The following SCCPDH variants were observed in gnomAD, a reference collection of about 807,000 sequenced individuals.
SCCPDH encodes saccharopine dehydrogenase-like oxidoreductase.
SCCPDH carries 34 observed loss-of-function variants against 51.5 expected under a neutral mutation model. The observed-to-expected ratio is 0.66, with a 90% CI of 0.50 to 0.88. The LOEUF (loss-of-function observed/expected upper bound fraction) is 0.88, where lower values mean the gene tolerates loss of function less well. SCCPDH is among the 40% of genes least tolerant of loss of function. The pLI is 0.00. For missense variants in SCCPDH, 464 were observed against 527.1 expected (o/e 0.88, Z 1.17); for synonymous variants, 187 against 191.3 (o/e 0.98, Z 0.19).
At chr1:246,730,387 T>C (rs1192303195) in intron 2 of SCCPDH, among the ~76,000 whole-genome samples, 1 of 152,224 alleles carries the variant, frequency 6.6e-6, no homozygotes, top group South Asian at 2.1e-4. Flanking sequence ...CTCCACTGCG[T>C]CTTTGTCCTC....
chr1:246,752,749 A>G (rs1201157004), intron 5 of SCCPDH, among the ~76,000 whole-genome samples: 1 of 152,072 alleles, frequency 6.6e-6, no homozygotes, highest in Non-Finnish European at 1.5e-5. Flanking sequence ...AATTTTCCCT[A>G]ATCAATATAG....
chr1:246,744,686 G>C (rs190580900), intron 5 of SCCPDH, among the ~76,000 whole-genome samples: 54 of 152,100 alleles, frequency 3.6e-4, no homozygotes, highest in African/African-American at 1.1e-3. Flanking sequence ...TGTGATCTTG[G>C]CTCACTCAAT....
chr1:246,756,300 A>G lies in SCCPDH; in HGVS notation c.565-1926A>G, dbSNP rs556959339. 7.2e-5 allele frequency among the ~76,000 whole-genome samples: 11 copies of G among 152,330 alleles called. No homozygotes were observed. The East Asian group carries it at 2.1e-3, about 29-fold the overall frequency. ...TTGTACTGTTTAGGGATGAATTCTT[A>G]GGTGATTAAACTCTAAAGAAAAGAA... On this transcript the variant is annotated intron_variant, in intron 5 of 11. Coordinates refer to ENST00000366510, the MANE Select transcript of SCCPDH (RefSeq NM_016002.3).
intron 3 of SCCPDH, among the ~76,000 whole-genome samples, chr1:246,737,149 T>G (rs961954514): frequency 2.0e-5 from 3 of 152,030 alleles, no homozygotes; most frequent in African/African-American, 4.8e-5. Context: ...TAATATGCAT[T>G]TGCAGTTTAT....
At chr1:246,733,491 T>TAC (rs57989437) in intron 2 of SCCPDH, among the ~76,000 whole-genome samples, 51,753 of 148,680 alleles carry the variant, frequency 0.35, 9,174 homozygotes, top group Middle Eastern at 0.42. Context: ...TCATATTTTA[T>TAC]ACACACACAC....
intron 11 of SCCPDH, among the ~76,000 whole-genome samples, chr1:246,766,994 A>G (rs1217180262): frequency 6.6e-6 from 1 of 152,176 alleles, no homozygotes; most frequent in Non-Finnish European, 1.5e-5. Context: ...CAGTCTAGAT[A>G]GGGTTGGCTG....
chr1:246,746,107 CAAAAAAAAA>C (rs756929255), intron 5 of SCCPDH, among the ~76,000 whole-genome samples: 2 of 79,586 alleles, frequency 2.5e-5, no homozygotes, highest in African/African-American at 1.4e-4. Flanking sequence ...GACTCCATCT[CAAAAAAAAA>C]AAAAAAAAAA....
intron 2 of SCCPDH, among the ~76,000 whole-genome samples, chr1:246,730,721 T>A (rs1388976145): frequency 2.0e-5 from 3 of 152,100 alleles, no homozygotes; most frequent in Non-Finnish European, 4.4e-5. Flanking sequence ...CATTCTGCGC[T>A]TCCCTTAGGG....
At chr1:246,741,592 G>A (rs61852481) in intron 4 of SCCPDH, among the ~76,000 whole-genome samples, 3 of 151,834 alleles carry the variant, frequency 2.0e-5, no homozygotes, top group Non-Finnish European at 2.9e-5. Context: ...GCCACCATGC[G>A]CAGCTCATCC....
chr1:246,733,902 C>T (rs1668531663), intron 2 of SCCPDH, among the ~76,000 whole-genome samples: 1 of 152,150 alleles, frequency 6.6e-6, no homozygotes, highest in African/African-American at 2.4e-5. Context: ...TAACAAAAAA[C>T]AGAGGGAAAT....
chr1:246,728,848 G>A (rs1384816784), intron 2 of SCCPDH, among the ~76,000 whole-genome samples: 1 of 151,992 alleles, frequency 6.6e-6, no homozygotes, highest in East Asian at 1.9e-4. Context: ...CTTCCTATTG[G>A]GCACAGTTTT....
intron 9 of SCCPDH, among the ~76,000 whole-genome samples, chr1:246,763,892 C>T (rs925963463): frequency 5.9e-5 from 9 of 152,110 alleles, no homozygotes; most frequent in African/African-American, 2.2e-4. Flanking sequence ...ACCTATACTC[C>T]AGGCCCATAT....
chr1:246,760,540 A>G (rs1668997119), intron 9 of SCCPDH, among the ~76,000 whole-genome samples: 1 of 150,590 alleles, frequency 6.6e-6, no homozygotes, highest in South Asian at 2.1e-4. Flanking sequence ...AGAAATCTCA[A>G]ATATTCTTCT....
In SCCPDH at chr1:246,760,196, A is replaced by C. The variant is rs772087790; in HGVS notation, c.959A>C (p.Tyr320Ser). ...TTCCCATGGTTCTTCTCCTTTGGCT[A>C]TTTTTCAAAACAAGGCCCAACACAA... is the stretch of plus-strand genomic sequence containing the variant. ...IKFPWFFSFG[Y>S]FSKQGPTQKQ... The change falls in exon 9 of 12, where the codon TAT (tyrosine) becomes TCT (serine). Residue 320 changes from tyrosine to serine, a missense_variant. Coordinates refer to ENST00000366510, the MANE Select transcript of SCCPDH (RefSeq NM_016002.3). The C allele has an allele frequency of 6.2e-7, 1 of 1,609,384 alleles. No homozygotes were observed. Among genetic ancestry groups the C allele is most frequent in the Non-Finnish European group, 8.5e-7 (1 of 1,178,846 alleles).
intron 3 of SCCPDH, among the ~76,000 whole-genome samples, chr1:246,736,716 AAG>A (rs574068595): frequency 2.8e-4 from 42 of 152,336 alleles, no homozygotes; most frequent in African/African-American, 8.7e-4. Context: ...CAAAAAAAAA[AAG>A]AAAATTCAGT....
intron 2 of SCCPDH, among the ~76,000 whole-genome samples, chr1:246,734,138 G>A (rs1668534377): frequency 6.6e-6 from 1 of 152,176 alleles, no homozygotes; most frequent in Non-Finnish European, 1.5e-5. Context: ...TGACCAGCAT[G>A]CAACCCAGGT....
intron 1 of SCCPDH, 96 bp from the exon 2 acceptor site, chr1:246,726,796 T>C: frequency 1.3e-6 from 1 of 792,450 alleles, no homozygotes; most frequent in Non-Finnish European, 2.1e-6. Flanking sequence ...ATCAGTGTAT[T>C]TAGTAATTTG....
chr1:246,758,510 C>T (rs905783969), intron 6 of SCCPDH, among the ~76,000 whole-genome samples, 154 bp downstream of exon 6: 16 of 152,026 alleles, frequency 1.1e-4, no homozygotes, highest in African/African-American at 1.9e-4. Flanking sequence ...ATAATTAATC[C>T]ATTACCATAT....
At chr1:246,744,621 A>G (rs1420419199) in intron 5 of SCCPDH, among the ~76,000 whole-genome samples, 1 of 146,900 alleles carries the variant, frequency 6.8e-6, no homozygotes, top group African/African-American at 2.5e-5. Flanking sequence ...ATGCCTGGCT[A>G]TTTTATTTTT....
Sources: gnomAD v4.1 joint callset for allele counts (sites outside exome capture counted in the v4.1 genomes callset) on GRCh38, gnomAD v4.1.1 for gene constraint, MANE v1.5 for transcripts, NCBI Gene and HGNC (gene_info 2026-07-23, HGNC 2026-07-21) for gene names.